Variants in DNAJC3 observed in about 807,000 individuals in gnomAD.
The protein encoded by DNAJC3 is DnaJ heat shock protein family (Hsp40) member C3.
In DNAJC3, 38 loss-of-function variants were observed where a neutral mutation model predicts 68.6. That is an observed-to-expected ratio of 0.55 (90% CI 0.43 to 0.73). DNAJC3 has a LOEUF of 0.73. Among genes scored for constraint, DNAJC3 ranks in the 30% least tolerant of loss-of-function variants. The pLI is 0.00. For missense variants in DNAJC3, 526 were observed against 591.9 expected (o/e 0.89, Z 1.16); for synonymous variants, 203 against 204.0 (o/e 1.00, Z 0.04).
chr13:95,714,764 GTATT>G lies in DNAJC3; in HGVS notation c.193+5432_193+5435del, dbSNP rs373875351. Among the ~76,000 whole-genome samples the G allele has an allele frequency of 1.4e-4, 21 of 152,276 alleles. No individual in the cohort carries two copies. The South Asian group carries it at 3.9e-3, about 29-fold the overall frequency. Reference sequence around the variant, plus strand: ...TGTCTTAGAAAAAGTGTGTCTTAAAGTATTTATTCTTACCTACTACCATTAGAAT... The same window carrying G: ...TGTCTTAGAAAAAGTGTGTCTTAAAGTATTCTTACCTACTACCATTAGAAT... On this transcript the variant is annotated intron_variant, in intron 2 of 11. Transcript: ENST00000602402.
chr13:95,777,246 T>C (rs1883317466), intron 9 of DNAJC3, among the ~76,000 whole-genome samples: 2 of 152,206 alleles, frequency 1.3e-5, no homozygotes, highest in African/African-American at 2.4e-5. Context: ...ACTAATGTTA[T>C]GGAAAACCTG....
At chr13:95,677,590 A>C (rs1879794594) in intron 1 of DNAJC3, among the ~76,000 whole-genome samples, 1 of 152,110 alleles carries the variant, frequency 6.6e-6, no homozygotes, top group Non-Finnish European at 1.5e-5. Context: ...GAGTCGGAGG[A>C]GGCGGGGTGC....
chr13:95,700,465 C>T (rs1391061752), intron 1 of DNAJC3, among the ~76,000 whole-genome samples: 1 of 152,102 alleles, frequency 6.6e-6, no homozygotes, highest in African/African-American at 2.4e-5. Context: ...CCTTTCTTTC[C>T]ATTCCTTATA....
chr13:95,760,104 C>G lies in DNAJC3; in HGVS notation c.611C>G (p.Pro204Arg). 1 of 1,611,826 alleles carries G rather than the reference C, an allele frequency of 6.2e-7. No individual in the cohort carries two copies. Among genetic ancestry groups the G allele is most frequent in the African/African-American group, 1.3e-5 (1 of 74,930 alleles). Residue 204 changes from proline (P) to arginine (R), a missense_variant, in exon 6 of 12, where the codon CCT becomes CGT. Coordinates refer to ENST00000602402, the MANE Select transcript of DNAJC3 (RefSeq NM_006260.5). The stretch of plus-strand genomic sequence containing the variant: ...GAATGTTTTATAAAAGAAGGAGAAC[C>G]TAGGAAAGCTATAAGTGACTTAAAA... ...RAECFIKEGE[P>R]RKAISDLKAA...
chr13:95,722,638 C>T (rs1207594142), intron 2 of DNAJC3, among the ~76,000 whole-genome samples: 5 of 151,298 alleles, frequency 3.3e-5, no homozygotes, highest in Admixed American at 1.3e-4. Context: ...ATTAGCCAGC[C>T]GTGGTGGAAT....
chr13:95,736,036 A>C (rs1881904934), intron 4 of DNAJC3, among the ~76,000 whole-genome samples: 2 of 152,268 alleles, frequency 1.3e-5, no homozygotes, highest in Admixed American at 6.5e-5. Flanking sequence ...AGCTTTCTAC[A>C]TACGGCTAGC....
At position 95,725,225 on chromosome 13, in the gene DNAJC3, T is replaced by G; in HGVS notation, c.366T>G (p.Asp122Glu). ...TATTACTCAAACAAGGAAAACTTGATGAAGCAGAAGATGATTTTAAAAAAG... is the reference window on the plus strand; with the variant it reads ...TATTACTCAAACAAGGAAAACTTGAGGAAGCAGAAGATGATTTTAAAAAAG... ...GHLLLKQGKL[D>E]EAEDDFKKVL... The change falls in exon 4 of 12, where the codon GAT (aspartate) becomes GAG (glutamate). Residue 122 changes from aspartate (D) to glutamate (E), a missense_variant. By Grantham distance (45) the Asp-to-Glu change is conservative (BLOSUM62 2). Coordinates refer to ENST00000602402, the MANE Select transcript of DNAJC3 (RefSeq NM_006260.5). 6.3e-7 allele frequency: 1 copy of G among 1,596,104 alleles called. No homozygotes were observed. Among genetic ancestry groups the G allele is most frequent in the Non-Finnish European group, 8.5e-7 (1 of 1,173,850 alleles).
chr13:95,734,082 G>A (rs1459883823), intron 4 of DNAJC3, among the ~76,000 whole-genome samples: 1 of 152,062 alleles, frequency 6.6e-6, no homozygotes, highest in Non-Finnish European at 1.5e-5. Flanking sequence ...GTGGTTTTCT[G>A]TAGTGGTAAC....
Position 95,780,014 on chromosome 13 carries a change from T to C in DNAJC3, c.1076-5925T>C, listed in dbSNP as rs954050827. 5.9e-5 allele frequency among the ~76,000 whole-genome samples: 9 copies of C among 152,330 alleles called. 2 individuals are homozygous for C. Among genetic ancestry groups the C allele is most frequent in the African/African-American group, 2.2e-4 (9 of 41,584 alleles). On this transcript the variant is annotated intron_variant, in intron 9 of 11. Coordinates refer to ENST00000602402, the MANE Select transcript of DNAJC3 (RefSeq NM_006260.5). ...AGTCCTCTGGATGTCAGTTTTGTTT[T>C]TTTGTTTTCTGCATGTAAGGCGTGC...
chr13:95,759,090 A>G (rs1048574547), intron 5 of DNAJC3, among the ~76,000 whole-genome samples: 2 of 152,178 alleles, frequency 1.3e-5, no homozygotes, highest in African/African-American at 4.8e-5. Context: ...CAGCTCTAAG[A>G]AATATGCAAA....
chr13:95,793,482 C>CTTTTTTTTT lies in DNAJC3; in HGVS notation c.*2469_*2477dup, dbSNP rs1002199198. 2 of 96,234 alleles carry CTTTTTTTTT rather than the reference C, an allele frequency of 2.1e-5. No individual in the cohort carries two copies. Among genetic ancestry groups the CTTTTTTTTT allele is most frequent in the Admixed American group, 1.3e-4 (1 of 7,542 alleles). The allele number at this position is 96,234 out of a possible 1,614,324, so 6.0% of individuals were successfully genotyped here. On this transcript the variant is annotated 3_prime_UTR_variant, in exon 12 of 12. Coordinates refer to ENST00000602402, the MANE Select transcript of DNAJC3 (RefSeq NM_006260.5). The stretch of plus-strand genomic sequence containing the variant: ...TTGGGGACTACAGGTGCCAGGTAAC[C>CTTTTTTTTT]TTTTTTTTTTTTTTTTTTTTTTTTT...
At chr13:95,729,221 CCGCCCT>C (rs1318411001) in intron 4 of DNAJC3, among the ~76,000 whole-genome samples, 8 of 124,982 alleles carry the variant, frequency 6.4e-5, no homozygotes, top group Non-Finnish European at 1.0e-4. Flanking sequence ...CTCTTTTCCC[CCGCCCT>C]CTCCCTCTCC....
At chr13:95,782,924 T>C (rs1365119810) in intron 9 of DNAJC3, among the ~76,000 whole-genome samples, 1 of 152,230 alleles carries the variant, frequency 6.6e-6, no homozygotes, top group Non-Finnish European at 1.5e-5. Flanking sequence ...CTAGGTTTTC[T>C]TCTAGGGTTT....
In DNAJC3 at chr13:95,677,188, T is replaced by C. The variant is rs1160495077; in HGVS notation, c.-68T>C. ...GCCGACGGCGGGCGGGCGCAGCTGC[T>C]GCCGGAGCGCCGGCGCGTGCTGGTG... On this transcript the variant is annotated 5_prime_UTR_variant, in exon 1 of 12. Coordinates refer to ENST00000602402, the MANE Select transcript of DNAJC3 (RefSeq NM_006260.5). The C allele has an allele frequency of 6.1e-6, 9 of 1,483,710 alleles. No homozygotes were observed. The highest frequency in any genetic ancestry group is 1.8e-4 in the Middle Eastern group (1 of 5,690). The allele number at this position is 1,483,710 out of a possible 1,614,324, so 91.9% of individuals were successfully genotyped here. A position where few individuals can be genotyped will look rare whatever the true frequency, so the allele number is the denominator to read the frequency against.
intron 1 of DNAJC3, among the ~76,000 whole-genome samples, chr13:95,700,341 C>T (rs1247773245): frequency 6.6e-6 from 1 of 152,118 alleles, no homozygotes; most frequent in African/African-American, 2.4e-5. Flanking sequence ...TCTGTAGTTT[C>T]TCGAACTAAC....
At chr13:95,778,059 A>G (rs145466536) in intron 9 of DNAJC3, among the ~76,000 whole-genome samples, 5 of 152,320 alleles carry the variant, frequency 3.3e-5, no homozygotes, top group African/African-American at 1.2e-4. Context: ...CTTTTGCTCA[A>G]GGGTTGGAAG....
At chr13:95,738,987 C>G (rs1882030362) in intron 4 of DNAJC3, among the ~76,000 whole-genome samples, 1 of 152,024 alleles carries the variant, frequency 6.6e-6, no homozygotes, top group Non-Finnish European at 1.5e-5. Flanking sequence ...ATGTTTAGTG[C>G]TTCCTTCAGG....
intron 4 of DNAJC3, among the ~76,000 whole-genome samples, chr13:95,738,756 A>T (rs1882020563): frequency 6.6e-6 from 1 of 152,084 alleles, no homozygotes; most frequent in Non-Finnish European, 1.5e-5. Flanking sequence ...CAGCACACTG[A>T]TGGGTCTTGA....
At chr13:95,690,094 A>G (rs1211687666) in intron 1 of DNAJC3, among the ~76,000 whole-genome samples, 1 of 151,658 alleles carries the variant, frequency 6.6e-6, no homozygotes, top group Non-Finnish European at 1.5e-5. Context: ...AAACAAGTGA[A>G]CAAAGGTCTC....
Sources: gnomAD v4.1 joint callset for allele counts (sites outside exome capture counted in the v4.1 genomes callset) on GRCh38, gnomAD v4.1.1 for gene constraint, MANE v1.5 for transcripts, NCBI Gene and HGNC (gene_info 2026-07-23, HGNC 2026-07-21) for gene names.